The following UGP2 variants were observed in gnomAD, a reference collection of about 807,000 sequenced individuals.
The protein encoded by UGP2 is UDP-glucose pyrophosphorylase 2, also known as UTP--glucose-1-phosphate uridylyltransferase.
In UGP2, 40 loss-of-function variants were observed where a neutral mutation model predicts 49.0. The ratio of observed to expected loss-of-function variants is 0.82; its 90% CI spans 0.63 to 1.06. The LOEUF (loss-of-function observed/expected upper bound fraction) is 1.06, where lower values mean the gene tolerates loss of function less well. Among genes scored for constraint, UGP2 ranks in the 50% least tolerant of loss-of-function variants. The pLI, the probability that UGP2 is intolerant of heterozygous loss-of-function variation, is 0.00. For synonymous variants in UGP2, 225 were observed against 213.0 expected (o/e 1.06, Z -0.49); for missense variants, 460 against 603.5 (o/e 0.76, Z 2.49).
chr2:63,856,932 T>C lies in UGP2; in HGVS notation c.147+499T>C, dbSNP rs190069233. On this transcript the variant is annotated intron_variant, in intron 2 of 9. Transcript: ENST00000337130. ...CAATTTATACTTAATGTTTTGAAGC[T>C]AGCTGTGTTTTATTTCTTTTTGTTC... 9.3e-5 allele frequency: 38 copies of C among 408,318 alleles called. 1 individual carries two copies. Among genetic ancestry groups the C allele is most frequent in the African/African-American group, 6.5e-4 (31 of 47,722 alleles). 25.3% of individuals were successfully genotyped at this position (408,318 alleles called of 1,614,324 possible). A position where few individuals can be genotyped will look rare whatever the true frequency, so the allele number is the denominator to read the frequency against.
chr2:63,844,995 T>A (rs1415063420), intron 1 of UGP2, among the ~76,000 whole-genome samples: 1 of 152,208 alleles, frequency 6.6e-6, no homozygotes, highest in East Asian at 1.9e-4. Context: ...AAAGATAATA[T>A]TATATCCTTG....
In UGP2 at chr2:63,857,887, AG is replaced by A; in HGVS notation, c.210del (p.Pro71LeufsTer22). ...CTATTTCATAGATTTTTGCAAGAAA[AG>A]GGGCCTTCTGTGGATTGGGGAAAAA... ...RKLFHRFLQE[K>X]GPSVDWGKIQ... is the part of the protein sequence containing the mutation. On this transcript the variant is annotated frameshift_variant, in exon 3 of 10. Coordinates refer to ENST00000337130, the MANE Select transcript of UGP2 (RefSeq NM_006759.4). LOFTEE classifies it high-confidence loss of function. 6.2e-7 allele frequency: 1 copy of A among 1,614,108 alleles called. No homozygotes were observed. The highest frequency in any genetic ancestry group is 8.5e-7 in the Non-Finnish European group (1 of 1,179,952).
intron 1 of UGP2, among the ~76,000 whole-genome samples, chr2:63,852,299 A>T (rs1338542821): frequency 3.3e-5 from 5 of 152,148 alleles, no homozygotes; most frequent in Non-Finnish European, 4.4e-5. Flanking sequence ...TATCTTTCCC[A>T]CCCCAAACCT....
At chr2:63,890,280 T>C (rs1672008343) in intron 9 of UGP2, 95 bp downstream of exon 9, 2 of 819,530 alleles carry the variant, frequency 2.4e-6, no homozygotes, top group East Asian at 2.7e-5. Flanking sequence ...GGAATACTTG[T>C]TAGTCTTAGT....
At chr2:63,882,395 C>A in intron 3 of UGP2, 71 bp from the exon 4 acceptor site, 4 of 1,296,688 alleles carry the variant, frequency 3.1e-6, no homozygotes, top group South Asian at 2.3e-5. Context: ...TGGAAATAAC[C>A]CTGGGATTGA....
chr2:63,875,749 G>T (rs1670866677), intron 3 of UGP2, among the ~76,000 whole-genome samples: 2 of 152,124 alleles, frequency 1.3e-5, no homozygotes, highest in African/African-American at 4.8e-5. Flanking sequence ...TGGACTTTTT[G>T]CCAGGAGCCT....
chr2:63,845,556 T>G (rs1218323574), intron 1 of UGP2, among the ~76,000 whole-genome samples: 1 of 150,646 alleles, frequency 6.6e-6, no homozygotes, highest in Non-Finnish European at 1.5e-5. Flanking sequence ...TGGGGCAAGG[T>G]AACGTTTGGA....
intron 3 of UGP2, among the ~76,000 whole-genome samples, chr2:63,870,207 C>T (rs569547250): frequency 6.6e-6 from 1 of 152,228 alleles, no homozygotes; most frequent in East Asian, 1.9e-4. Flanking sequence ...CCGGTGTGAG[C>T]CACCGTGCCC....
intron 4 of UGP2, chr2:63,883,316 A>G (rs1671436970): frequency 6.6e-6 from 1 of 152,194 alleles, no homozygotes; most frequent in African/African-American, 2.4e-5. Flanking sequence ...AGGAAACCAA[A>G]GCACAAGAGG....
chr2:63,857,836 A>G lies in UGP2; in HGVS notation c.155A>G (p.Lys52Arg), dbSNP rs771407559. The change falls in exon 3 of 10, where the codon AAA becomes AGA. Residue 52 changes from lysine to arginine, a missense_variant. Coordinates refer to ENST00000337130, the MANE Select transcript of UGP2 (RefSeq NM_006759.4). ...TGACTTCTATTTTCACAGCACACCA[A>G]AAAAGACCTGGATGGATTTCGGAAG... is the stretch of plus-strand genomic sequence containing the variant. ...TASSHEFEHT[K>R]KDLDGFRKLF... The G allele has an allele frequency of 6.8e-6, 11 of 1,613,768 alleles. No homozygotes were observed. Among genetic ancestry groups the G allele is most frequent in the African/African-American group, 2.7e-5 (2 of 74,898 alleles).
intron 3 of UGP2, among the ~76,000 whole-genome samples, chr2:63,881,197 C>G (rs532828361): frequency 3.5e-4 from 53 of 152,038 alleles, no homozygotes; most frequent in Non-Finnish European, 4.6e-4. Context: ...TTGTGGAAAG[C>G]TGTTAAAAAC....
rs1196078325 is a variant in UGP2 at position 63,888,725 on chromosome 2, A to T, written c.1314+1081A>T. ...AAACCAGAATAGTTGGAGAAAACCCACACAGATGTGGGGAGAACGTGCAAA... is the reference window on the plus strand; with the variant it reads ...AAACCAGAATAGTTGGAGAAAACCCTCACAGATGTGGGGAGAACGTGCAAA... On this transcript the variant is annotated intron_variant, in intron 8 of 9. Coordinates refer to ENST00000337130, the MANE Select transcript of UGP2 (RefSeq NM_006759.4). The T allele has an allele frequency of 2.6e-5, 4 of 152,246 alleles. No individual in the cohort carries two copies. The East Asian group carries it at 5.8e-4, about 22-fold the overall frequency. The allele number at this position is 152,246 out of a possible 1,614,324, so 9.4% of individuals were successfully genotyped here. A position where few individuals can be genotyped will look rare whatever the true frequency, so the allele number is the denominator to read the frequency against.
At chr2:63,881,321 A>G (rs1671292702) in intron 3 of UGP2, among the ~76,000 whole-genome samples, 1 of 150,964 alleles carries the variant, frequency 6.6e-6, no homozygotes, top group African/African-American at 2.4e-5. Flanking sequence ...GAGCCTGTCA[A>G]GTTCTTTCCC....
At chr2:63,842,614 G>T in intron 1 of UGP2, 1 of 1,449,900 alleles carries the variant, frequency 6.9e-7, no homozygotes, top group Non-Finnish European at 9.1e-7. Flanking sequence ...GTTTTGCCGG[G>T]ACTGTTGGGG....
In UGP2 at chr2:63,865,735, C is replaced by T. The variant is rs557542148; in HGVS notation, c.255+7799C>T. 2.6e-4 allele frequency among the ~76,000 whole-genome samples: 40 copies of T among 151,990 alleles called. 2 individuals are homozygous for T. Among genetic ancestry groups the T allele is most frequent in the African/African-American group, 8.2e-4 (34 of 41,464 alleles). ...CAAATTTTTTATAAAGACAAGGTCTCGCTGTGTTACCCAGGCTGGTAACTC... is the reference window on the plus strand; with the variant it reads ...CAAATTTTTTATAAAGACAAGGTCTTGCTGTGTTACCCAGGCTGGTAACTC... On this transcript the variant is annotated intron_variant, in intron 3 of 9. Transcript: ENST00000337130.
intron 5 of UGP2, among the ~76,000 whole-genome samples, chr2:63,884,789 A>T (rs924427792): frequency 7.2e-5 from 11 of 152,032 alleles, no homozygotes; most frequent in African/African-American, 2.7e-4. Flanking sequence ...GTGCCCTTGT[A>T]GCCCAGCTAC....
At chr2:63,888,247 A>C (rs1671826229) in intron 8 of UGP2, 1 of 153,968 alleles carries the variant, frequency 6.5e-6, no homozygotes, top group Non-Finnish European at 1.4e-5. Context: ...ATCTAGTGCA[A>C]AAAGTGTTCT....
intron 1 of UGP2, among the ~76,000 whole-genome samples, chr2:63,848,738 A>G (rs967823359): frequency 2.0e-5 from 3 of 152,242 alleles, no homozygotes; most frequent in Non-Finnish European, 4.4e-5. Context: ...AGTTGGCTTT[A>G]TGAAGCTATC....
chr2:63,889,905 T>G, intron 8 of UGP2, 176 bp from the exon 9 acceptor site: 1 of 556,122 alleles, frequency 1.8e-6, no homozygotes, highest in South Asian at 2.6e-5. Context: ...CTCCTGGTCT[T>G]TCCTGCACGG....
Sources: gnomAD v4.1 joint callset for allele counts (sites outside exome capture counted in the v4.1 genomes callset) on GRCh38, gnomAD v4.1.1 for gene constraint, MANE v1.5 for transcripts, NCBI Gene and HGNC (gene_info 2026-07-23, HGNC 2026-07-21) for gene names.